PTBP2: variants seen among roughly 807,000 people sequenced by gnomAD.
The protein encoded by PTBP2 is polypyrimidine tract-binding protein 2.
In PTBP2, 13 loss-of-function variants were observed where a neutral mutation model predicts 61.4. That is an observed-to-expected ratio of 0.21 (90% CI 0.14 to 0.34). PTBP2 has a LOEUF of 0.34. Ranked by LOEUF, PTBP2 falls within the 10% of genes least tolerant of loss-of-function variation. The pLI is 1.00. For missense variants in PTBP2, 405 were observed against 642.6 expected (o/e 0.63, Z 4.00); for synonymous variants, 215 against 218.5 (o/e 0.98, Z 0.14).
chr1:96,756,559 T>C (rs1655181224), intron 3 of PTBP2, among the ~76,000 whole-genome samples: 1 of 152,092 alleles, frequency 6.6e-6, no homozygotes, highest in Non-Finnish European at 1.5e-5. Flanking sequence ...CTTTAGGAGG[T>C]GAATGGCCAA....
chr1:96,812,613 T>G, intron 11 of PTBP2, 99 bp from the exon 12 acceptor site: 1 of 965,084 alleles, frequency 1.0e-6, no homozygotes, highest in Non-Finnish European at 1.5e-6. Flanking sequence ...TATTTTAAAA[T>G]CATAAGAAAA....
At chr1:96,777,774 T>G (rs773383830) in intron 6 of PTBP2, 25 bp downstream of exon 6, 4 of 1,556,116 alleles carry the variant, frequency 2.6e-6, no homozygotes, top group South Asian at 1.2e-5. Context: ...CATAATTACC[T>G]ATAAATTAGA....
At chr1:96,729,531 A>G (rs954325492) in intron 2 of PTBP2, among the ~76,000 whole-genome samples, 5 of 152,268 alleles carry the variant, frequency 3.3e-5, no homozygotes, top group Admixed American at 3.3e-4. Flanking sequence ...GACACAGTTC[A>G]CTAGTGAAGC....
At chr1:96,808,810 AACACACAC>A (rs71748547) in intron 11 of PTBP2, among the ~76,000 whole-genome samples, 1 of 150,248 alleles carries the variant, frequency 6.7e-6, no homozygotes, top group Admixed American at 6.6e-5. Flanking sequence ...CACACACACA[AACACACAC>A]ACACACACGC....
At chr1:96,733,982 T>C (rs756359856) in intron 2 of PTBP2, among the ~76,000 whole-genome samples, 3 of 152,208 alleles carry the variant, frequency 2.0e-5, no homozygotes, top group Non-Finnish European at 4.4e-5. Context: ...GGTCTACGTG[T>C]GTTCCTAAAC....
At chr1:96,773,752 G>A (rs1425937385) in intron 5 of PTBP2, among the ~76,000 whole-genome samples, 6 of 151,616 alleles carry the variant, frequency 4.0e-5, no homozygotes, top group East Asian at 3.9e-4. Context: ...TGAGGTGGGC[G>A]GATCACGAGG....
chr1:96,820,226 A>C (rs1043958271), exon 14 of PTBP2: 1 of 151,896 alleles, frequency 6.6e-6, no homozygotes, highest in Non-Finnish European at 1.5e-5. Flanking sequence ...AGTTTTTGGC[A>C]TTCTATTTAT....
intron 5 of PTBP2, among the ~76,000 whole-genome samples, chr1:96,772,587 C>T (rs1333063061): frequency 6.6e-6 from 1 of 152,148 alleles, no homozygotes; most frequent in Non-Finnish European, 1.5e-5. Context: ...CTCCCTCCCC[C>T]AGCCTCTGGT....
chr1:96,744,068 A>G (rs1653415977), intron 2 of PTBP2, among the ~76,000 whole-genome samples: 1 of 151,996 alleles, frequency 6.6e-6, no homozygotes, highest in Non-Finnish European at 1.5e-5. Context: ...GCACGCGCCT[A>G]TAGTCCCAGC....
downstream of PTBP2, chr1:96,818,003 A>G (rs1033688319): frequency 6.6e-6 from 1 of 152,096 alleles, no homozygotes; most frequent in Non-Finnish European, 1.5e-5. Context: ...GAAATAAGTC[A>G]TTTGGGCCTC....
intron 2 of PTBP2, among the ~76,000 whole-genome samples, chr1:96,739,712 C>T (rs1652736851): frequency 6.7e-6 from 1 of 149,718 alleles, no homozygotes; most frequent in African/African-American, 2.5e-5. Context: ...CTGCAAGCTC[C>T]ACCACCCGGG....
intron 8 of PTBP2, among the ~76,000 whole-genome samples, chr1:96,789,649 T>C (rs1659577115): frequency 6.6e-6 from 1 of 152,140 alleles, no homozygotes; most frequent in Admixed American, 6.5e-5. Context: ...TTTTCTTTCT[T>C]TGTTACATTT....
intron 1 of PTBP2, 78 bp downstream of exon 1, chr1:96,721,950 G>T: frequency 6.5e-7 from 1 of 1,538,872 alleles, no homozygotes; most frequent in Non-Finnish European, 8.8e-7. Flanking sequence ...GGGCCGGGGA[G>T]AAACCCTCCC....
At chr1:96,815,974 G>A (rs1662466224), downstream of PTBP2, 1 of 152,168 alleles carries the variant, frequency 6.6e-6, no homozygotes, top group Admixed American at 6.6e-5. Flanking sequence ...GTAATTAGTG[G>A]TGGCTATAAT....
intron 4 of PTBP2, 86 bp from the exon 5 acceptor site, chr1:96,770,622 T>G: frequency 8.8e-7 from 1 of 1,135,706 alleles, no homozygotes; most frequent in Non-Finnish European, 1.3e-6. Context: ...TTCTAGATAA[T>G]TGATTAAAAT....
intron 1 of PTBP2, among the ~76,000 whole-genome samples, chr1:96,722,408 C>A (rs1557675356): frequency 6.6e-6 from 1 of 150,514 alleles, no homozygotes; most frequent in Non-Finnish European, 1.5e-5. Flanking sequence ...GTGGCGGGAG[C>A]TCCGGGGAAA....
intron 9 of PTBP2, among the ~76,000 whole-genome samples, chr1:96,805,648 GT>G (rs1303632069): frequency 6.6e-6 from 1 of 152,108 alleles, no homozygotes; most frequent in East Asian, 1.9e-4. Flanking sequence ...CAGTGTATCA[GT>G]TTATGATGTC....
intron 3 of PTBP2, among the ~76,000 whole-genome samples, chr1:96,768,346 T>G (rs190288325): frequency 6.0e-4 from 92 of 152,202 alleles, no homozygotes; most frequent in Non-Finnish European, 1.1e-3. Context: ...TGAAGATACG[T>G]TGGAGACCAA....
intron 2 of PTBP2, among the ~76,000 whole-genome samples, chr1:96,742,619 T>C (rs1220546055): frequency 6.6e-6 from 1 of 151,694 alleles, no homozygotes; most frequent in Non-Finnish European, 1.5e-5. Context: ...TATTTTCTTT[T>C]AAAATGCATT....
Sources: gnomAD v4.1 joint callset for allele counts (sites outside exome capture counted in the v4.1 genomes callset) on GRCh38, gnomAD v4.1.1 for gene constraint, MANE v1.5 for transcripts, NCBI Gene and HGNC (gene_info 2026-07-23, HGNC 2026-07-21) for gene names.